The following FAM227A variants were observed in gnomAD, a reference collection of about 807,000 sequenced individuals.
The protein encoded by FAM227A is family with sequence similarity 227 member A.
FAM227A carries 80 observed loss-of-function variants against 74.7 expected under a neutral mutation model. That is an observed-to-expected ratio of 1.07 (90% CI 0.89 to 1.29). The LOEUF is 1.29. Among genes scored for constraint, FAM227A ranks in the 50% most tolerant of loss-of-function variants. FAM227A has a pLI of 0.00. For missense variants in FAM227A, 654 were observed against 683.4 expected, an observed-to-expected ratio of 0.96 and a Z score of 0.48; for synonymous variants, 237 against 241.8, an observed-to-expected ratio of 0.98 and a Z score of 0.19.
At position 38,579,214 on chromosome 22, in the gene FAM227A, T is replaced by C. The variant is rs2090685893; in HGVS notation, c.*6911A>G. On this transcript the variant is annotated 3_prime_UTR_variant, in exon 17 of 17. Coordinates refer to ENST00000535113, the MANE Select transcript of FAM227A (RefSeq NM_001013647.2). The stretch of plus-strand genomic sequence containing the variant: ...ACACTTCAGCCATTCACTAGCTGTG[T>C]GGTCTTGGGAAAATTATTTAACCTC... The C allele has an allele frequency of 1.3e-5, 2 of 152,202 alleles. No individual in the cohort carries two copies. The highest frequency in any genetic ancestry group is 2.9e-5 in the Non-Finnish European group (2 of 68,040). 9.4% of individuals were successfully genotyped at this position (152,202 alleles called of 1,614,324 possible).
intron 4 of FAM227A, 146 bp from the exon 5 acceptor site, chr22:38,638,968 G>A (rs942236550): frequency 2.8e-5 from 16 of 567,492 alleles, no homozygotes; most frequent in African/African-American, 9.7e-5. Flanking sequence ...CTGTGTTGCC[G>A]ACTTATCTGA....
At chr22:38,646,353 G>A (rs541614808) in intron 2 of FAM227A, among the ~76,000 whole-genome samples, 1 of 137,212 alleles carries the variant, frequency 7.3e-6, no homozygotes, top group Non-Finnish European at 1.5e-5. Flanking sequence ...TCCGCCTCCC[G>A]GGTTCACGCC....
At chr22:38,590,586 G>C (rs1414026100) in intron 16 of FAM227A, among the ~76,000 whole-genome samples, 1 of 152,174 alleles carries the variant, frequency 6.6e-6, no homozygotes, top group Non-Finnish European at 1.5e-5. Flanking sequence ...AGTTATTTAA[G>C]CTGCTACATT....
Position 38,584,447 on chromosome 22 carries a change from TTAC to T in FAM227A, c.*1675_*1677del, listed in dbSNP as rs1203752159. 2 of 152,118 alleles carry T rather than the reference TTAC, an allele frequency of 1.3e-5. No homozygotes were observed. Among genetic ancestry groups the T allele is most frequent in the Non-Finnish European group, 2.9e-5 (2 of 68,018 alleles). 9.4% of individuals were successfully genotyped at this position (152,118 alleles called of 1,614,324 possible). ...ACTCAATAAATGACATCACCTATGATTACTATTATTATGTTATACAATATTAGA... is the reference window on the plus strand; with the variant it reads ...ACTCAATAAATGACATCACCTATGATTATTATTATGTTATACAATATTAGA... On this transcript the variant is annotated 3_prime_UTR_variant, in exon 17 of 17. Transcript: ENST00000535113.
intron 12 of FAM227A, among the ~76,000 whole-genome samples, chr22:38,607,042 T>C (rs2091298621): frequency 6.6e-6 from 1 of 152,046 alleles, no homozygotes; most frequent in African/African-American, 2.4e-5. Flanking sequence ...CCAGGCGTGG[T>C]AGCGCACGCC....
At chr22:38,629,097 T>C (rs760611961) in intron 6 of FAM227A, 162 bp from the exon 7 acceptor site, 1 of 552,786 alleles carries the variant, frequency 1.8e-6, no homozygotes, top group Non-Finnish European at 3.2e-6. Flanking sequence ...AATAGTCTTA[T>C]GAGGAATACA....
intron 15 of FAM227A, among the ~76,000 whole-genome samples, chr22:38,594,914 C>A (rs533518206): frequency 6.6e-6 from 1 of 151,988 alleles, no homozygotes; most frequent in Non-Finnish European, 1.5e-5. Context: ...CTGGCTAACA[C>A]GGTGAAACCC....
At chr22:38,626,888 AAAAAT>A (rs2091816458) in intron 8 of FAM227A, among the ~76,000 whole-genome samples, 1 of 107,348 alleles carries the variant, frequency 9.3e-6, no homozygotes, top group Admixed American at 9.5e-5. Flanking sequence ...AAAAAAAAAA[AAAAAT>A]ATATATATAT....
intron 15 of FAM227A, among the ~76,000 whole-genome samples, chr22:38,593,262 C>T (rs558217503): frequency 5.3e-5 from 8 of 152,280 alleles, no homozygotes; most frequent in East Asian, 1.9e-4. Flanking sequence ...CCCAGCACTT[C>T]GGGAGGCTGA....
intron 16 of FAM227A, among the ~76,000 whole-genome samples, chr22:38,586,654 G>A (rs6001163): frequency 0.025 from 3,864 of 152,186 alleles, 166 homozygotes; most frequent in African/African-American, 0.088. Flanking sequence ...AATATTTCAC[G>A]AAAGCATTAC....
At chr22:38,650,585 G>A (rs886547301) in intron 1 of FAM227A, among the ~76,000 whole-genome samples, 7 of 152,176 alleles carry the variant, frequency 4.6e-5, no homozygotes, top group Non-Finnish European at 7.3e-5. Context: ...GTTCCCAAAC[G>A]AGAAATGAAA....
intron 2 of FAM227A, 160 bp downstream of exon 2, chr22:38,649,867 C>CAAA: frequency 3.7e-6 from 2 of 535,946 alleles, no homozygotes; most frequent in South Asian, 2.8e-5. Flanking sequence ...AACTCCATCT[C>CAAA]AAAAAAAAAA....
Position 38,633,440 on chromosome 22 carries a change from C to G in FAM227A, c.519+3011G>C, listed in dbSNP as rs375939525. On this transcript the variant is annotated intron_variant, in intron 6 of 16. Transcript: ENST00000535113. ...CTCAGGCTGTGCCCAGGCAGTCTGTCAAGGCAAACTGTGCAGGAACAGCGG... is the reference window on the plus strand; with the variant it reads ...CTCAGGCTGTGCCCAGGCAGTCTGTGAAGGCAAACTGTGCAGGAACAGCGG... 2.0e-5 allele frequency among the ~76,000 whole-genome samples: 3 copies of G among 152,210 alleles called. No individual in the cohort carries two copies. In the East Asian group the frequency reaches 5.8e-4, roughly 29 times the overall value.
At chr22:38,627,363 T>G (rs955758354) in intron 8 of FAM227A, among the ~76,000 whole-genome samples, 10 of 151,620 alleles carry the variant, frequency 6.6e-5, no homozygotes, top group African/African-American at 2.2e-4. Context: ...AAATCAGGAG[T>G]TTGAGACCAG....
Position 38,578,394 on chromosome 22 carries a change from C to T in FAM227A, c.*7731G>A, listed in dbSNP as rs1226261414. The stretch of plus-strand genomic sequence containing the variant: ...CTGTGTGTATGTATACACACACATA[C>T]ATGTATATTTAATAGTCATTTTGGG... On this transcript the variant is annotated 3_prime_UTR_variant, in exon 17 of 17. Coordinates refer to ENST00000535113, the MANE Select transcript of FAM227A (RefSeq NM_001013647.2). The T allele has an allele frequency of 6.6e-6, 1 of 152,158 alleles. No homozygotes were observed. Among genetic ancestry groups the T allele is most frequent in the Admixed American group, 6.5e-5 (1 of 15,282 alleles). The allele number at this position is 152,158 out of a possible 1,614,324, so 9.4% of individuals were successfully genotyped here.
intron 2 of FAM227A, among the ~76,000 whole-genome samples, chr22:38,646,248 CTTTTTTTTTTTTTTTTTTTTT>C (rs1165890437): frequency 1.2e-5 from 1 of 82,394 alleles, no homozygotes; most frequent in South Asian, 4.5e-4. Context: ...TCCAGTATTT[CTTTTTTTTTTTTTTTTTTTTT>C]TTTTTTTTGA....
chr22:38,613,188 A>C (rs1339894117), intron 11 of FAM227A, among the ~76,000 whole-genome samples: 6 of 65,720 alleles, frequency 9.1e-5, no homozygotes, highest in African/African-American at 5.6e-4. Flanking sequence ...TATATATAAT[A>C]TATATATATT....
At chr22:38,643,738 G>A (rs1375803111) in intron 3 of FAM227A, among the ~76,000 whole-genome samples, 2 of 152,104 alleles carry the variant, frequency 1.3e-5, no homozygotes, top group Non-Finnish European at 2.9e-5. Context: ...GCCAAAACTT[G>A]GAGGCAACCA....
intron 11 of FAM227A, among the ~76,000 whole-genome samples, chr22:38,616,679 A>AT (rs1014178976): frequency 2.0e-5 from 3 of 151,960 alleles, no homozygotes; most frequent in African/African-American, 7.3e-5. Flanking sequence ...AAAAAAAAAA[A>AT]AATAATAAGT....
Sources: gnomAD v4.1 joint callset for allele counts (sites outside exome capture counted in the v4.1 genomes callset) on GRCh38, gnomAD v4.1.1 for gene constraint, MANE v1.5 for transcripts, NCBI Gene and HGNC (gene_info 2026-07-23, HGNC 2026-07-21) for gene names.